Variants in CBLC observed in about 807,000 individuals in gnomAD.
CBLC encodes the protein Cbl proto-oncogene C.
Under a neutral mutation model 58.6 loss-of-function variants are expected in CBLC, and 46 were observed. The ratio of observed to expected loss-of-function variants is 0.79; its 90% CI spans 0.62 to 1.00. CBLC has a LOEUF of 1.00. CBLC is among the 50% of genes least tolerant of loss of function. The pLI, the probability that CBLC is intolerant of heterozygous loss-of-function variation, is 0.00. For missense variants in CBLC, 655 were observed against 625.8 expected (o/e 1.05, Z -0.50); for synonymous variants, 271 against 264.2 (o/e 1.03, Z -0.25).
intron 6 of CBLC, among the ~76,000 whole-genome samples, 197 bp downstream of exon 6, chr19:44,790,288 GGATT>G (rs1156825335): frequency 6.6e-6 from 1 of 151,962 alleles, no homozygotes; most frequent in Non-Finnish European, 1.5e-5. Context: ...GTGATCACGG[GGATT>G]AAATAAGGAA....
chr19:44,780,133 G>A (rs1351878948), intron 1 of CBLC, among the ~76,000 whole-genome samples: 3 of 151,728 alleles, frequency 2.0e-5, no homozygotes, highest in African/African-American at 7.2e-5. Context: ...GCAAAATTCA[G>A]CGTAATTTTT....
intron 9 of CBLC, among the ~76,000 whole-genome samples, chr19:44,799,100 T>G (rs769447601): frequency 6.6e-6 from 1 of 152,180 alleles, no homozygotes; most frequent in African/African-American, 2.4e-5. Context: ...ACTGCGAGCC[T>G]CGGGTTCAGT....
chr19:44,790,168 G>T lies in CBLC; in HGVS notation c.1005+77G>T. ...CACGTTGCCTTGGCTCAGAGGCCTG[G>T]GGTTGGAATGTTGGCTTGGTGGCTC... On this transcript the variant is annotated intron_variant, in intron 6 of 10. Transcript: ENST00000647358. The T allele has an allele frequency of 5.4e-6, 6 of 1,102,110 alleles. 1 individual carries two copies. Among genetic ancestry groups the T allele is most frequent in the South Asian group, 1.2e-5 (1 of 80,340 alleles). 68.3% of individuals were successfully genotyped at this position (1,102,110 alleles called of 1,614,324 possible).
At chr19:44,786,216 C>T (rs372184650) in intron 5 of CBLC, among the ~76,000 whole-genome samples, 25 of 151,966 alleles carry the variant, frequency 1.6e-4, no homozygotes, top group African/African-American at 5.5e-4. Context: ...TACAGGTGCA[C>T]GCCACCACGC....
At position 44,794,087 on chromosome 19, in the gene CBLC, C is replaced by T. The variant is rs988755780; in HGVS notation, c.1285-117C>T. On this transcript the variant is annotated intron_variant, in intron 8 of 10. Transcript: ENST00000647358. ...AAGTGTTCATACGTTGTCTTGGTCTCTGTTATATCTTGAGTCTAGAACAGT... is the reference window on the plus strand; with the variant it reads ...AAGTGTTCATACGTTGTCTTGGTCTTTGTTATATCTTGAGTCTAGAACAGT... 9.6e-5 allele frequency: 143 copies of T among 1,485,166 alleles called. 1 individual carries two copies. The highest frequency in any genetic ancestry group is 2.7e-4 in the South Asian group (19 of 70,404). 92.0% of individuals were successfully genotyped at this position (1,485,166 alleles called of 1,614,324 possible).
At chr19:44,790,530 G>A (rs1201545156) in intron 6 of CBLC, among the ~76,000 whole-genome samples, 5 of 152,036 alleles carry the variant, frequency 3.3e-5, no homozygotes, top group Non-Finnish European at 5.9e-5. Flanking sequence ...CGACCTCTGG[G>A]CTCAAGCAGG....
intron 5 of CBLC, among the ~76,000 whole-genome samples, chr19:44,784,818 G>T (rs1309504758): frequency 6.6e-6 from 1 of 151,850 alleles, no homozygotes; most frequent in Admixed American, 6.6e-5. Context: ...TTCCTGCCTC[G>T]GCCTCCCAAA....
At chr19:44,782,223 G>T in intron 3 of CBLC, 147 bp from the exon 4 acceptor site, 2 of 1,209,380 alleles carry the variant, frequency 1.7e-6, no homozygotes, top group Non-Finnish European at 2.3e-6. Flanking sequence ...TCTGGAGAAA[G>T]AAGAGCTTGG....
In CBLC at chr19:44,792,814, G is replaced by A. The variant is rs376302101; in HGVS notation, c.1137+300G>A. Among the ~76,000 whole-genome samples the A allele has an allele frequency of 1.3e-4, 20 of 152,178 alleles. 1 individual carries two copies. Among genetic ancestry groups the A allele is most frequent in the East Asian group, 7.7e-4 (4 of 5,166 alleles). On this transcript the variant is annotated intron_variant, in intron 7 of 10. Transcript: ENST00000647358. ...CTTCACGTCTCTGAGCCTTAGCCTC[G>A]TCCCCTGGAGAACGGGGCTGAGAAT...
chr19:44,794,114 C>T, intron 8 of CBLC, 90 bp from the exon 9 acceptor site: 2 of 1,533,684 alleles, frequency 1.3e-6, no homozygotes, highest in Non-Finnish European at 1.8e-6. Flanking sequence ...TAGAACAGTG[C>T]CTGAATGCTG....
intron 9 of CBLC, among the ~76,000 whole-genome samples, chr19:44,798,718 G>C (rs866892748): frequency 6.6e-6 from 1 of 151,792 alleles, no homozygotes; most frequent in Non-Finnish European, 1.5e-5. Flanking sequence ...CCTGGGCGAC[G>C]GTGCAAAAAC....
intron 6 of CBLC, among the ~76,000 whole-genome samples, chr19:44,791,732 C>CAA (rs774565610): frequency 3.9e-5 from 3 of 76,706 alleles, no homozygotes; most frequent in Admixed American, 1.4e-4. Flanking sequence ...ACTGCGTCTC[C>CAA]AAAAAAAAAA....
rs1967794502 is a variant in CBLC, at chr19:44,783,141, C to T, written c.779+650C>T. ...ATCCCAGTACTTTGGGAGGCCGAGG[C>T]GGGCAAATCACTTGAGGTCAGGAGT... On this transcript the variant is annotated intron_variant, in intron 4 of 10. Coordinates refer to ENST00000647358, the MANE Select transcript of CBLC (RefSeq NM_012116.4). Among the ~76,000 whole-genome samples the T allele has an allele frequency of 4.6e-5, 7 of 152,036 alleles. No homozygotes were observed. The South Asian group carries it at 1.5e-3, about 32-fold the overall frequency.
At chr19:44,783,487 C>T (rs147436084) in intron 4 of CBLC, among the ~76,000 whole-genome samples, 311 of 149,254 alleles carry the variant, frequency 2.1e-3, no homozygotes, top group East Asian at 0.011. Flanking sequence ...CCTGCCTGGG[C>T]AACAAGAGTG....
rs193110123 is a variant in CBLC at position 44,800,543 on chromosome 19, G to T, written c.*8-8G>T. 1 of 730,852 alleles carries T rather than the reference G, an allele frequency of 1.4e-6. No individual in the cohort carries two copies. The allele number at this position is 730,852 out of a possible 1,614,324, so 45.3% of individuals were successfully genotyped here. A position where few individuals can be genotyped will look rare whatever the true frequency, so the allele number is the denominator to read the frequency against. ...CCTCATCTAACCCACCCCTCTCTCC[G>T]CCTACAGGGCACCCAGATGTGCTGC... On this transcript the variant is annotated splice_region_variant and splice_polypyrimidine_tract_variant and intron_variant, in intron 10 of 10. Transcript: ENST00000647358.
chr19:44,785,040 C>T (rs537759806), intron 5 of CBLC, among the ~76,000 whole-genome samples: 35 of 127,130 alleles, frequency 2.8e-4, no homozygotes, highest in African/African-American at 9.3e-4. Context: ...GGCATGATCT[C>T]GGCTCACTGC....
chr19:44,790,363 C>T (rs1968015499), intron 6 of CBLC, among the ~76,000 whole-genome samples: 2 of 152,134 alleles, frequency 1.3e-5, no homozygotes, highest in African/African-American at 4.8e-5. Context: ...GCAATAGCCC[C>T]GTGCCAGCTC....
rs767004922 is a variant in CBLC, at chr19:44,790,100, C to T, written c.1005+9C>T. The T allele has an allele frequency of 3.1e-6, 5 of 1,607,762 alleles. No homozygotes were observed. Among genetic ancestry groups the T allele is most frequent in the East Asian group, 2.2e-5 (1 of 44,838 alleles). ...GCATCCACGTGTCAGAGGTGAGACC[C>T]GCACCTGCACCCGCAGTCCCAGTTC... On this transcript the variant is annotated intron_variant, in intron 6 of 10. Coordinates refer to ENST00000647358, the MANE Select transcript of CBLC (RefSeq NM_012116.4).
In CBLC at chr19:44,793,470, C is replaced by A. The variant is rs1436800988; in HGVS notation, c.1138-4C>A. 1.2e-6 allele frequency: 2 copies of A among 1,604,384 alleles called. No homozygotes were observed. Among genetic ancestry groups the A allele is most frequent in the East Asian group, 2.2e-5 (1 of 44,738 alleles). Reference sequence around the variant, plus strand: ...CTGACCCTTTCCCTCCCGACCTCCCCCAGCACTCGGACAGCCAGACCTGCC... The same window carrying A: ...CTGACCCTTTCCCTCCCGACCTCCCACAGCACTCGGACAGCCAGACCTGCC... On this transcript the variant is annotated splice_polypyrimidine_tract_variant and splice_region_variant and intron_variant, in intron 7 of 10. Transcript: ENST00000647358.
Sources: gnomAD v4.1 joint callset for allele counts (sites outside exome capture counted in the v4.1 genomes callset) on GRCh38, gnomAD v4.1.1 for gene constraint, MANE v1.5 for transcripts, NCBI Gene and HGNC (gene_info 2026-07-23, HGNC 2026-07-21) for gene names.